The following TEX101 variants were observed in gnomAD, a reference collection of about 807,000 sequenced individuals.
The protein encoded by TEX101 is testis expressed 101, also known as testis-expressed protein 101.
Under a neutral mutation model 18.1 loss-of-function variants are expected in TEX101, and 10 were observed. That is an observed-to-expected ratio of 0.55 (90% CI 0.34 to 0.94). TEX101 has a LOEUF of 0.94. Ranked by LOEUF, TEX101 falls within the 40% of genes least tolerant of loss-of-function variation. The pLI, the probability that TEX101 is intolerant of heterozygous loss-of-function variation, is 0.02. For missense variants in TEX101, 259 were observed against 298.9 expected (o/e 0.87, Z 0.98); for synonymous variants, 94 against 114.8 (o/e 0.82, Z 1.16).
At chr19:43,393,049 C>T in the TEX101 span, among the ~76,000 whole-genome samples, 1 of 93,210 alleles carries the variant, frequency 1.1e-5, no homozygotes, top group Non-Finnish European at 1.9e-5. Flanking sequence ...CAGAGTGAGA[C>T]TCTGGAAAGA....
chr19:43,401,395 T>C (rs977448009), upstream of TEX101: 2 of 152,248 alleles, frequency 1.3e-5, no homozygotes, highest in African/African-American at 4.8e-5. Flanking sequence ...CAATTCCTCC[T>C]TTTAGGCACA....
chr19:43,410,302 A>C (rs1970407133), upstream of TEX101, among the ~76,000 whole-genome samples: 1 of 152,088 alleles, frequency 6.6e-6, no homozygotes, highest in Non-Finnish European at 1.5e-5. Context: ...TTGTGGGGTA[A>C]ACAAATGCAT....
At chr19:43,407,341 C>T (rs1970375673) in intron 3 of TEX101, among the ~76,000 whole-genome samples, 1 of 152,044 alleles carries the variant, frequency 6.6e-6, no homozygotes, top group Non-Finnish European at 1.5e-5. Flanking sequence ...AAAAATTAGC[C>T]GGGCGTGGTG....
At chr19:43,413,024 A>G (rs577731733), upstream of TEX101, among the ~76,000 whole-genome samples, 55 of 152,266 alleles carry the variant, frequency 3.6e-4, 1 homozygote, top group South Asian at 9.3e-3. Context: ...AAAAAAAGTA[A>G]TAATAATAAC....
the TEX101 span, among the ~76,000 whole-genome samples, chr19:43,396,301 T>G: frequency 6.6e-6 from 1 of 152,232 alleles, no homozygotes; most frequent in Non-Finnish European, 1.5e-5. Context: ...TATTCCTCAT[T>G]GCGCTTCCAA....
At chr19:43,399,683 G>A (rs1257413807), upstream of TEX101, among the ~76,000 whole-genome samples, 1 of 151,890 alleles carries the variant, frequency 6.6e-6, no homozygotes, top group Non-Finnish European at 1.5e-5. Context: ...GTATTATTAT[G>A]AAATATAGAT....
intron 2 of TEX101, among the ~76,000 whole-genome samples, chr19:43,405,594 AG>A (rs1167202079): frequency 6.6e-6 from 1 of 151,220 alleles, no homozygotes; most frequent in Admixed American, 6.6e-5. Context: ...GACAAAGACA[AG>A]ATCCAATAAT....
chr19:43,391,751 C>T, the TEX101 span, among the ~76,000 whole-genome samples: 1 of 152,150 alleles, frequency 6.6e-6, no homozygotes, highest in South Asian at 2.1e-4. Context: ...ACATCAGGGT[C>T]GTTCCCGGTC....
chr19:43,399,072 C>T (rs1453869682), upstream of TEX101, among the ~76,000 whole-genome samples: 2 of 152,206 alleles, frequency 1.3e-5, no homozygotes, highest in Non-Finnish European at 2.9e-5. Flanking sequence ...GGAGAGCAGA[C>T]ATGTTGTCTT....
At chr19:43,401,411 G>A (rs953852539), upstream of TEX101, 2 of 152,276 alleles carry the variant, frequency 1.3e-5, no homozygotes, top group African/African-American at 4.8e-5. Flanking sequence ...GCACAAGCAA[G>A]TTGTCACATT....
At chr19:43,417,556 C>T (rs1371659413) in intron 4 of TEX101, among the ~76,000 whole-genome samples, 1 of 152,212 alleles carries the variant, frequency 6.6e-6, no homozygotes, top group East Asian at 1.9e-4. Flanking sequence ...GTTGGGTATT[C>T]CTCCATTCCT....
intron 2 of TEX101, among the ~76,000 whole-genome samples, chr19:43,404,137 C>A (rs764240495): frequency 6.9e-6 from 1 of 143,994 alleles, no homozygotes; most frequent in African/African-American, 2.6e-5. Flanking sequence ...GTGTAAGAAG[C>A]CTTTTTGTGT....
upstream of TEX101, among the ~76,000 whole-genome samples, chr19:43,397,804 TA>T (rs1227506876): frequency 2.6e-5 from 3 of 115,476 alleles, no homozygotes; most frequent in Non-Finnish European, 5.2e-5. Context: ...ATATTTATAT[TA>T]TATAAATATA....
chr19:43,406,924 G>GTTTTTTTTTTTTTTTTTTTT (rs201495986), intron 3 of TEX101, among the ~76,000 whole-genome samples: 1 of 101,970 alleles, frequency 9.8e-6, no homozygotes, highest in Admixed American at 9.7e-5. Context: ...TTTTGTCTTT[G>GTTTTTTTTTTTTTTTTTTTT]TTTTTTGTTT....
Position 43,417,980 on chromosome 19 carries a change from A to G in TEX101, c.494A>G (p.Tyr165Cys), listed in dbSNP as rs1484984498. Residue 165 changes from tyrosine (Y) to cysteine (C), a missense_variant, in exon 5 of 6, where the codon TAT (tyrosine) becomes TGT (cysteine). Transcript: ENST00000598265. ...LPCPNGTTRC[Y>C]QGKLEITGGG... Reference sequence around the variant, plus strand: ...TGTCCCAATGGTACAACTCGATGCTATCAAGGAAAACTTGAGATCACTGGA... The same window carrying G: ...TGTCCCAATGGTACAACTCGATGCTGTCAAGGAAAACTTGAGATCACTGGA... 1 of 1,614,118 alleles carries G rather than the reference A, an allele frequency of 6.2e-7. No individual in the cohort carries two copies. Among genetic ancestry groups the G allele is most frequent in the Admixed American group, 1.7e-5 (1 of 60,008 alleles).
chr19:43,396,531 AC>A (rs1260322867), upstream of TEX101, among the ~76,000 whole-genome samples: 1 of 152,132 alleles, frequency 6.6e-6, no homozygotes, highest in Non-Finnish European at 1.5e-5. Flanking sequence ...GTCATGTGTA[AC>A]CCCTTAGAAT....
At chr19:43,389,114 G>A in the TEX101 span, among the ~76,000 whole-genome samples, 4 of 152,268 alleles carry the variant, frequency 2.6e-5, no homozygotes, top group African/African-American at 9.6e-5. Context: ...ACCTTGGGAC[G>A]GGCATCTGCA....
intron 3 of TEX101, among the ~76,000 whole-genome samples, chr19:43,406,901 G>C (rs1165004020): frequency 2.6e-5 from 4 of 151,210 alleles, no homozygotes; most frequent in Non-Finnish European, 5.9e-5. Context: ...TAGGAATGAG[G>C]CTTCTTTTTG....
chr19:43,398,649 A>C (rs564158696), upstream of TEX101, among the ~76,000 whole-genome samples: 13 of 152,168 alleles, frequency 8.5e-5, no homozygotes, highest in East Asian at 2.1e-3. Flanking sequence ...GTCCCCCTCC[A>C]CTACCCATTT....
Sources: gnomAD v4.1 joint callset for allele counts (sites outside exome capture counted in the v4.1 genomes callset) on GRCh38, gnomAD v4.1.1 for gene constraint, MANE v1.5 for transcripts, NCBI Gene and HGNC (gene_info 2026-07-23, HGNC 2026-07-21) for gene names.